Variants in CFAP20DC observed in about 807,000 individuals in gnomAD.
The protein encoded by CFAP20DC is CFAP20 domain containing, also known as protein CFAP20DC.
CFAP20DC carries 84 observed loss-of-function variants against 101.7 expected under a neutral mutation model. That is an observed-to-expected ratio of 0.83 (90% confidence interval 0.69 to 0.99). The LOEUF is 0.99. Among genes scored for constraint, CFAP20DC ranks in the 50% least tolerant of loss-of-function variants. The pLI, the probability that CFAP20DC is intolerant of heterozygous loss-of-function variation, is 0.00. For synonymous variants in CFAP20DC, 359 were observed against 351.2 expected (o/e 1.02, Z -0.25); for missense variants, 1,007 against 970.3 (o/e 1.04, Z -0.50).
rs899184892 is a variant in CFAP20DC at position 58,758,773 on chromosome 3, G to T, written c.2238-4910C>A. On this transcript the variant is annotated intron_variant, in intron 15 of 16. Transcript: ENST00000482387. Reference sequence around the variant, plus strand: ...TCATTGTTCAATTCCCACCTATGAGGGAGAACATGCGGTGTTTGGTTTTTT... The same window carrying T: ...TCATTGTTCAATTCCCACCTATGAGTGAGAACATGCGGTGTTTGGTTTTTT... Among the ~76,000 whole-genome samples the T allele has an allele frequency of 1.6e-4, 25 of 152,068 alleles. 1 individual carries two copies. The highest frequency in any genetic ancestry group is 5.3e-4 in the African/African-American group (22 of 41,510).
chr3:58,921,782 T>C (rs1250914463), intron 5 of CFAP20DC, among the ~76,000 whole-genome samples: 1 of 152,240 alleles, frequency 6.6e-6, no homozygotes, highest in Non-Finnish European at 1.5e-5. Flanking sequence ...ATTGTCAATT[T>C]CTGAGGAAGG....
chr3:58,816,352 G>C (rs550283943), intron 14 of CFAP20DC, among the ~76,000 whole-genome samples: 2 of 152,184 alleles, frequency 1.3e-5, no homozygotes, highest in Non-Finnish European at 2.9e-5. Context: ...CAGAAGACGG[G>C]TGACTTCTGC....
chr3:59,042,830 C>A (rs1699513600), intron 3 of CFAP20DC, among the ~76,000 whole-genome samples: 1 of 152,058 alleles, frequency 6.6e-6, no homozygotes, highest in South Asian at 2.1e-4. Context: ...ACTGGAGGTA[C>A]CAAGAAGTGA....
chr3:58,943,273 C>T (rs1031092508), intron 4 of CFAP20DC, among the ~76,000 whole-genome samples: 5 of 152,170 alleles, frequency 3.3e-5, no homozygotes, highest in Admixed American at 6.5e-5. Context: ...TGCCTCCTGA[C>T]TGGGAGACAC....
intron 14 of CFAP20DC, among the ~76,000 whole-genome samples, chr3:58,808,164 C>T (rs1026070903): frequency 1.3e-5 from 2 of 152,180 alleles, no homozygotes; most frequent in African/African-American, 2.4e-5. Flanking sequence ...AGGAGAACTT[C>T]CCCAATCTAG....
Position 58,724,035 on chromosome 3 carries a change from T to C in CFAP20DC, c.198-6407A>G, listed in dbSNP as rs1575513044. 2.6e-5 allele frequency among the ~76,000 whole-genome samples: 4 copies of C among 152,294 alleles called. No individual in the cohort carries two copies. Among genetic ancestry groups the C allele is most frequent in the Middle Eastern group, 3.4e-3 (1 of 294 alleles). On this transcript the variant is annotated intron_variant, in intron 3 of 3. Coordinates refer to the CFAP20DC transcript ENST00000486145. The surrounding 1 kb of genome is among the most constrained non-coding windows in gnomAD (Gnocchi z 5.6). ...GGTCTCTGTTCTTGGGGAAGTAACA[T>C]AGATACAAATCCTTCATTCCAGGAT...
intron 7 of CFAP20DC, among the ~76,000 whole-genome samples, chr3:58,877,831 G>A (rs1379775619): frequency 4.6e-5 from 7 of 152,260 alleles, no homozygotes; most frequent in South Asian, 2.1e-4. Flanking sequence ...GAAACTGCAC[G>A]AATATGATAA....
At chr3:58,848,633 T>C (rs2077943147) in intron 13 of CFAP20DC, among the ~76,000 whole-genome samples, 1 of 152,150 alleles carries the variant, frequency 6.6e-6, no homozygotes, top group Non-Finnish European at 1.5e-5. Context: ...GTGAATAGAA[T>C]AATGGTGTTT....
intron 4 of CFAP20DC, among the ~76,000 whole-genome samples, chr3:58,974,483 T>G (rs1057461383): frequency 2.0e-5 from 3 of 152,148 alleles, no homozygotes; most frequent in Non-Finnish European, 4.4e-5. Context: ...ATATATGTTA[T>G]ATGTACCACA....
chr3:58,724,518 A>G lies in CFAP20DC; in HGVS notation c.198-6890T>C, dbSNP rs1447061457. ...TGGGCTCCTATTTAAGCCCGCTCCC[A>G]CTAGCTACTCTCCGATAAGTTAAAG... is the stretch of plus-strand genomic sequence containing the variant. On this transcript the variant is annotated intron_variant, in intron 3 of 3. Coordinates refer to the CFAP20DC transcript ENST00000486145. The surrounding 1 kb of genome is among the most constrained non-coding windows in gnomAD (Gnocchi z 5.6). 6.6e-6 allele frequency among the ~76,000 whole-genome samples: 1 copy of G among 152,152 alleles called. No individual in the cohort carries two copies. The highest frequency in any genetic ancestry group is 1.5e-5 in the Non-Finnish European group (1 of 68,024).
At chr3:58,809,895 C>A (rs555117023) in intron 14 of CFAP20DC, among the ~76,000 whole-genome samples, 71 of 152,230 alleles carry the variant, frequency 4.7e-4, no homozygotes, top group African/African-American at 1.5e-3. Context: ...CTCAGAAATA[C>A]AAACTACCAT....
intron 15 of CFAP20DC, chr3:58,794,088 G>C (rs1177152875): frequency 4.5e-6 from 1 of 219,980 alleles, no homozygotes; most frequent in African/African-American, 2.3e-5. Flanking sequence ...TCGCCATTTG[G>C]TCTCGCTTGT....
chr3:58,935,431 T>G (rs1268132657), intron 5 of CFAP20DC, among the ~76,000 whole-genome samples: 1 of 151,814 alleles, frequency 6.6e-6, no homozygotes, highest in Non-Finnish European at 1.5e-5. Context: ...TACTTTAAAG[T>G]TCATATGGAA....
At chr3:59,035,951 C>T (rs961677556) in intron 4 of CFAP20DC, among the ~76,000 whole-genome samples, 3 of 150,984 alleles carry the variant, frequency 2.0e-5, no homozygotes, top group Admixed American at 6.6e-5. Flanking sequence ...AGCTTATCCA[C>T]CACAATCAAG....
chr3:58,873,470 A>T (rs902405076), intron 7 of CFAP20DC, among the ~76,000 whole-genome samples: 3 of 150,642 alleles, frequency 2.0e-5, no homozygotes, highest in African/African-American at 7.3e-5. Flanking sequence ...CTCAAGCAGA[A>T]GTCTGGACCA....
At chr3:58,862,436 T>A in intron 12 of CFAP20DC, 1 of 985,348 alleles carries the variant, frequency 1.0e-6, no homozygotes. Context: ...ACTATTTATG[T>A]ATAAAAGGAT....
rs953535955 is a variant in CFAP20DC at position 58,914,033 on chromosome 3, C to G, written c.394-169G>C. ...ATCTCTGTTTTGGCTTAAAAACTGACTTGATCTTTCCAAAGAAATCACCAT... is the reference window on the plus strand; with the variant it reads ...ATCTCTGTTTTGGCTTAAAAACTGAGTTGATCTTTCCAAAGAAATCACCAT... On this transcript the variant is annotated intron_variant, in intron 5 of 16. Transcript: ENST00000482387. The surrounding 1 kb of genome is among the most constrained non-coding windows in gnomAD (Gnocchi z 4.9). 1.6e-4 allele frequency among the ~76,000 whole-genome samples: 25 copies of G among 152,280 alleles called. No individual in the cohort carries two copies. The highest frequency in any genetic ancestry group is 6.0e-4 in the African/African-American group (25 of 41,572).
chr3:59,016,701 C>T (rs2093697157), intron 4 of CFAP20DC, among the ~76,000 whole-genome samples: 1 of 151,880 alleles, frequency 6.6e-6, no homozygotes, highest in Admixed American at 6.6e-5. Context: ...GTTTTTTAAC[C>T]CACAGATTGC....
At chr3:58,756,222 C>A (rs1042939520) in intron 15 of CFAP20DC, among the ~76,000 whole-genome samples, 7 of 152,024 alleles carry the variant, frequency 4.6e-5, no homozygotes, top group African/African-American at 1.7e-4. Context: ...TATTTGTAAC[C>A]CCCCTCTGAC....
Sources: gnomAD v4.1 joint callset for allele counts (sites outside exome capture counted in the v4.1 genomes callset) on GRCh38, gnomAD v4.1.1 for gene constraint, Gnocchi (gnomAD v3.1) non-coding constraint, MANE v1.5 for transcripts, NCBI Gene and HGNC (gene_info 2026-07-23, HGNC 2026-07-21) for gene names.